PRKCA: variants seen among roughly 807,000 people sequenced by gnomAD.
The protein encoded by PRKCA is protein kinase C alpha, also known as protein kinase C alpha type.
PRKCA carries 27 observed loss-of-function variants against 87.0 expected under a neutral mutation model. That is an observed-to-expected ratio of 0.31 (90% confidence interval 0.23 to 0.43). The LOEUF (loss-of-function observed/expected upper bound fraction) is 0.43, where lower values mean the gene tolerates loss of function less well. Ranked by LOEUF, PRKCA falls within the 20% of genes least tolerant of loss-of-function variation. PRKCA has a pLI of 1.00. For synonymous variants in PRKCA, 329 were observed against 311.1 expected, an observed-to-expected ratio of 1.06 and a Z score of -0.61; for missense variants, 518 against 852.3, an observed-to-expected ratio of 0.61 and a Z score of 4.88.
chr17:66,462,260 C>G (rs1342707205), intron 2 of PRKCA, among the ~76,000 whole-genome samples: 2 of 152,114 alleles, frequency 1.3e-5, no homozygotes, highest in Non-Finnish European at 2.9e-5. Context: ...TCTAATGAAA[C>G]AGCTCCTATT....
intron 3 of PRKCA, among the ~76,000 whole-genome samples, chr17:66,604,592 A>G (rs549153540): frequency 2.0e-5 from 3 of 152,304 alleles, no homozygotes; most frequent in South Asian, 4.1e-4. Context: ...GTGTACAACC[A>G]CACTACTTAA....
intron 3 of PRKCA, among the ~76,000 whole-genome samples, chr17:66,543,829 A>C (rs1968062559): frequency 6.6e-6 from 1 of 152,208 alleles, no homozygotes; most frequent in African/African-American, 2.4e-5. Flanking sequence ...CTGGTGTCAA[A>C]TGTCAGAAGC....
chr17:66,442,644 T>C (rs1340600424), intron 2 of PRKCA, among the ~76,000 whole-genome samples: 2 of 152,158 alleles, frequency 1.3e-5, no homozygotes, highest in African/African-American at 4.8e-5. Context: ...CCATCCCAGC[T>C]GTAATGCAGA....
At chr17:66,360,302 C>T (rs1386990229) in intron 2 of PRKCA, among the ~76,000 whole-genome samples, 1 of 152,108 alleles carries the variant, frequency 6.6e-6, no homozygotes, top group Non-Finnish European at 1.5e-5. Context: ...GCCAGCCCGC[C>T]CTTACTTGGT....
At chr17:66,437,172 G>A (rs1913440646) in intron 2 of PRKCA, among the ~76,000 whole-genome samples, 1 of 152,184 alleles carries the variant, frequency 6.6e-6, no homozygotes, top group Non-Finnish European at 1.5e-5. Context: ...CAGGTAGGGA[G>A]TTGGCAGCAT....
intron 13 of PRKCA, among the ~76,000 whole-genome samples, chr17:66,769,632 G>GT: frequency 6.6e-6 from 1 of 152,140 alleles, no homozygotes; most frequent in Non-Finnish European, 1.5e-5. Context: ...CACAGAGTGT[G>GT]TTTTTCTTTA....
chr17:66,777,529 G>C (rs1203545598), intron 14 of PRKCA: 4 of 982,222 alleles, frequency 4.1e-6, no homozygotes, highest in Non-Finnish European at 4.8e-6. Context: ...TCAATGGCTG[G>C]AGAAACAGGA....
At chr17:66,652,123 TA>T in intron 5 of PRKCA, among the ~76,000 whole-genome samples, 1 of 152,206 alleles carries the variant, frequency 6.6e-6, no homozygotes, top group Middle Eastern at 3.4e-3. Flanking sequence ...CATGCCCGGC[TA>T]ATTTTTGTTT....
At chr17:66,692,799 C>T (rs768793677) in intron 8 of PRKCA, among the ~76,000 whole-genome samples, 2 of 152,156 alleles carry the variant, frequency 1.3e-5, no homozygotes, top group African/African-American at 2.4e-5. Context: ...TTGCCACCCT[C>T]CAGTAACAGT....
At chr17:66,763,837 G>A (rs553253225) in intron 13 of PRKCA, among the ~76,000 whole-genome samples, 2 of 152,090 alleles carry the variant, frequency 1.3e-5, no homozygotes, top group East Asian at 1.9e-4. Flanking sequence ...CTCCACACAC[G>A]TACTTTATAG....
intron 5 of PRKCA, among the ~76,000 whole-genome samples, chr17:66,686,005 C>A (rs1417314229): frequency 6.6e-6 from 1 of 152,100 alleles, no homozygotes; most frequent in East Asian, 1.9e-4. Flanking sequence ...ATCAGGGAGC[C>A]TGGTCCCAGT....
intron 3 of PRKCA, among the ~76,000 whole-genome samples, chr17:66,496,574 A>G (rs1264364624): frequency 1.3e-5 from 2 of 152,196 alleles, no homozygotes; most frequent in East Asian, 1.9e-4. Flanking sequence ...AACACAATGC[A>G]GTTGTTGACA....
chr17:66,483,103 C>T lies in PRKCA; in HGVS notation c.206-13098C>T, dbSNP rs542924212. On this transcript the variant is annotated intron_variant, in intron 2 of 16. Transcript: ENST00000413366. ...TGCCTTGAATCCCGAACCACTTGCTCTTGTTCATAGTACTTAATTTTCACT... is the reference window on the plus strand; with the variant it reads ...TGCCTTGAATCCCGAACCACTTGCTTTTGTTCATAGTACTTAATTTTCACT... Among the ~76,000 whole-genome samples the T allele has an allele frequency of 2.0e-5, 3 of 152,352 alleles. No homozygotes were observed. The East Asian group carries it at 5.8e-4, about 29-fold the overall frequency.
intron 3 of PRKCA, among the ~76,000 whole-genome samples, chr17:66,508,606 A>G (rs1917078539): frequency 6.6e-6 from 1 of 152,206 alleles, no homozygotes; most frequent in Non-Finnish European, 1.5e-5. Context: ...TCCTCTGCAC[A>G]CAGGATCCCA....
rs1302674004 is a variant in PRKCA, at chr17:66,741,738, T to C, written c.1385+17T>C. The C allele has an allele frequency of 1.2e-6, 2 of 1,612,624 alleles. No individual in the cohort carries two copies. The highest frequency in any genetic ancestry group is 1.7e-6 in the Non-Finnish European group (2 of 1,178,948). On this transcript the variant is annotated intron_variant, in intron 12 of 16. Transcript: ENST00000413366. ...CATTTATAGGTGTGTATTGAAGCCC[T>C]CCTACCAGCAGCTCAGCAGAGAGGT...
intron 2 of PRKCA, among the ~76,000 whole-genome samples, chr17:66,309,311 A>G (rs1904977315): frequency 6.6e-6 from 1 of 152,192 alleles, no homozygotes; most frequent in Non-Finnish European, 1.5e-5. Context: ...TGCCATTTAG[A>G]GAATGGCATC....
intron 2 of PRKCA, among the ~76,000 whole-genome samples, chr17:66,351,241 A>G (rs1451423063): frequency 6.6e-6 from 1 of 152,154 alleles, no homozygotes; most frequent in Admixed American, 6.5e-5. Context: ...CACTGTTCTG[A>G]TTTTACTTCC....
At chr17:66,323,150 A>G (rs1255629466) in intron 2 of PRKCA, among the ~76,000 whole-genome samples, 3 of 152,096 alleles carry the variant, frequency 2.0e-5, no homozygotes, top group Admixed American at 1.3e-4. Flanking sequence ...CCTTTTCCTT[A>G]TAATTTATCT....
intron 3 of PRKCA, among the ~76,000 whole-genome samples, chr17:66,596,235 G>A (rs994207322): frequency 7.2e-5 from 11 of 152,138 alleles, no homozygotes; most frequent in African/African-American, 2.2e-4. Flanking sequence ...CGTATTTACC[G>A]CTTTGTAACT....
Sources: allele counts gnomAD v4.1 joint callset (sites outside exome capture counted in the v4.1 genomes callset), GRCh38; gene constraint gnomAD v4.1.1; transcripts MANE v1.5; gene names NCBI Gene and HGNC (gene_info 2026-07-23, HGNC 2026-07-21).